PLA2R1: variants seen among roughly 807,000 people sequenced by gnomAD.
PLA2R1 encodes secretory phospholipase A2 receptor.
In PLA2R1, 158 loss-of-function variants were observed where a neutral mutation model predicts 195.9. The observed-to-expected ratio is 0.81, with a 90% CI of 0.71 to 0.92. PLA2R1 has a LOEUF of 0.92. Among genes scored for constraint, PLA2R1 ranks in the 40% least tolerant of loss-of-function variants. PLA2R1 has a pLI of 0.00. For synonymous variants in PLA2R1, 586 were observed against 598.2 expected (o/e 0.98, Z 0.30); for missense variants, 1,626 against 1,764.6 (o/e 0.92, Z 1.41).
chr2:160,028,344 A>C lies in PLA2R1; in HGVS notation c.973T>G (p.Phe325Val). ...AATGTTCCACAGTGATCTTCAACAAATGGCTCAAAATTTACCTCTGAAAAT... is the reference window on the plus strand; with the variant it reads ...AATGTTCCACAGTGATCTTCAACAACTGGCTCAAAATTTACCTCTGAAAAT... Reference protein sequence around the residue: ...NWSPEVNFEPFVEDHCGTFSS... With the variant: ...NWSPEVNFEPVVEDHCGTFSS... Residue 325 changes from phenylalanine (F) to valine (V), a missense_variant, in exon 6 of 30, where the codon TTT becomes GTT. Transcript: ENST00000283243. The C allele has an allele frequency of 6.2e-7, 1 of 1,608,346 alleles. No individual in the cohort carries two copies. Among genetic ancestry groups the C allele is most frequent in the Non-Finnish European group, 8.5e-7 (1 of 1,176,446 alleles).
chr2:159,946,694 C>G, intron 27 of PLA2R1, 107 bp downstream of exon 27: 1 of 1,442,598 alleles, frequency 6.9e-7, no homozygotes, highest in Non-Finnish European at 9.1e-7. Flanking sequence ...GCTATTTTTT[C>G]TCAGAAAACG....
In PLA2R1 at chr2:159,955,307, G is replaced by C; in HGVS notation, c.3193C>G (p.Pro1065Ala). ...TTACTTGAGAGTAAGGCACAGAGAG[G>C]AATGTGTTTCTGAACTTCAGTGGTA... is the stretch of plus-strand genomic sequence containing the variant. ...HNTTEVQKHI[P>A]LCALLSSNPN... is the part of the protein sequence containing the mutation. The change falls in exon 23 of 30, where the codon CCT becomes GCT. Residue 1065 changes from proline to alanine, a missense_variant. By Grantham distance (27) the Pro-to-Ala change is conservative (BLOSUM62 -1). Coordinates refer to ENST00000283243, the MANE Select transcript of PLA2R1 (RefSeq NM_007366.5). 2 of 1,603,040 alleles carry C rather than the reference G, an allele frequency of 1.2e-6. No homozygotes were observed. The highest frequency in any genetic ancestry group is 1.3e-5 in the African/African-American group (1 of 74,730).
In PLA2R1 at chr2:159,942,001, A is replaced by G; in HGVS notation, c.4178-9T>C. On this transcript the variant is annotated splice_polypyrimidine_tract_variant and intron_variant, in intron 29 of 29. Transcript: ENST00000283243. ...GATGCTGTGACTTGGTCCTGAAAGA[A>G]GATATTTTTCTTAAAAAAAGAAAAA... 2 of 1,608,732 alleles carry G rather than the reference A, an allele frequency of 1.2e-6. No individual in the cohort carries two copies. Among genetic ancestry groups the G allele is most frequent in the South Asian group, 2.2e-5 (2 of 90,350 alleles).
At chr2:159,943,195 C>G (rs1687186094) in intron 28 of PLA2R1, among the ~76,000 whole-genome samples, 1 of 152,122 alleles carries the variant, frequency 6.6e-6, no homozygotes, top group African/African-American at 2.4e-5. Flanking sequence ...GTCTCGAACT[C>G]CTGACCTCAA....
chr2:160,057,402 G>A (rs1261186448), intron 1 of PLA2R1, among the ~76,000 whole-genome samples: 1 of 152,152 alleles, frequency 6.6e-6, no homozygotes, highest in Non-Finnish European at 1.5e-5. Context: ...GACCTTCAGT[G>A]GGCCTCTTTC....
chr2:159,952,742 T>C (rs990617584), intron 23 of PLA2R1, among the ~76,000 whole-genome samples: 1 of 152,200 alleles, frequency 6.6e-6, no homozygotes, highest in Non-Finnish European at 1.5e-5. Context: ...CACACTATTG[T>C]ATGGAGACAC....
intron 29 of PLA2R1, 36 bp from the exon 30 acceptor site, chr2:159,942,028 T>G: frequency 6.3e-7 from 1 of 1,580,912 alleles, no homozygotes; most frequent in Non-Finnish European, 8.7e-7. Context: ...AAAGAAAAAC[T>G]TCAGTGGCGA....
Position 160,042,106 on chromosome 2 carries a change from C to G in PLA2R1, c.586G>C (p.Gly196Arg). The G allele has an allele frequency of 8.7e-6, 14 of 1,614,182 alleles. No individual in the cohort carries two copies. The highest frequency in any genetic ancestry group is 1.3e-5 in the African/African-American group (1 of 75,070). The part of the protein sequence containing the change: ...HQWHHECTRE[G>R]REDDLLWCAT... ...CACCACAGTAAGTCATCTTCCCGAC[C>G]TTCACGGGTACATTCATGATGCCAC... The change falls in exon 3 of 30, where the codon GGT becomes CGT. Residue 196 changes from glycine to arginine, a missense_variant. Coordinates refer to ENST00000283243, the MANE Select transcript of PLA2R1 (RefSeq NM_007366.5).
intron 25 of PLA2R1, 143 bp downstream of exon 25, chr2:159,949,465 T>A (rs1480964137): frequency 1.8e-6 from 1 of 562,892 alleles, no homozygotes; most frequent in Non-Finnish European, 3.2e-6. Flanking sequence ...AGTTCTGTTA[T>A]TCTTTACATC....
downstream of PLA2R1, among the ~76,000 whole-genome samples, chr2:159,928,289 C>A (rs897242561): frequency 2.0e-5 from 3 of 152,136 alleles, no homozygotes; most frequent in Non-Finnish European, 4.4e-5. Flanking sequence ...AGGTCTAGAC[C>A]CCCTTTCTGG....
intron 11 of PLA2R1, among the ~76,000 whole-genome samples, chr2:159,987,668 C>CATATTTCAAT (rs1240795161): frequency 6.6e-6 from 1 of 152,140 alleles, no homozygotes; most frequent in African/African-American, 2.4e-5. Flanking sequence ...AAATATCCCC[C>CATATTTCAAT]ATATTTCAAT....
chr2:160,033,929 T>A (rs1475126234), intron 3 of PLA2R1, among the ~76,000 whole-genome samples: 1 of 152,144 alleles, frequency 6.6e-6, no homozygotes, highest in African/African-American at 2.4e-5. Context: ...TACTGCAGCA[T>A]GACTGAAAAT....
At chr2:159,991,710 G>A (rs1458307611) in intron 11 of PLA2R1, among the ~76,000 whole-genome samples, 9 of 143,932 alleles carry the variant, frequency 6.3e-5, no homozygotes, top group Admixed American at 2.1e-4. Context: ...GAGAATATTC[G>A]GTGTTTGGTT....
intron 9 of PLA2R1, among the ~76,000 whole-genome samples, chr2:160,014,705 G>A (rs1373992295): frequency 1.3e-5 from 2 of 152,156 alleles, no homozygotes; most frequent in Non-Finnish European, 2.9e-5. Context: ...GATCAGCTGT[G>A]TTAGTTCAAA....
chr2:160,001,017 C>A (rs1463877021), intron 11 of PLA2R1, among the ~76,000 whole-genome samples: 1 of 151,972 alleles, frequency 6.6e-6, no homozygotes, highest in Non-Finnish European at 1.5e-5. Context: ...TTGTGTAAAA[C>A]CAACCATCTT....
chr2:159,977,458 C>T (rs369229854), intron 14 of PLA2R1, 42 bp from the exon 15 acceptor site: 5 of 1,598,338 alleles, frequency 3.1e-6, no homozygotes, highest in African/African-American at 2.7e-5. Flanking sequence ...GATGATCCCC[C>T]CACAAAGTTT....
chr2:159,963,700 C>T (rs990432796), intron 20 of PLA2R1, among the ~76,000 whole-genome samples: 4 of 152,106 alleles, frequency 2.6e-5, no homozygotes, highest in African/African-American at 7.2e-5. Context: ...TAACACCTAA[C>T]GTGTTCTAGG....
intron 1 of PLA2R1, 142 bp from the exon 2 acceptor site, chr2:160,045,299 C>T (rs1694791374): frequency 1.6e-6 from 1 of 644,808 alleles, no homozygotes; most frequent in Non-Finnish European, 2.7e-6. Context: ...GGGCAGGGTC[C>T]ACCTGAAGGG....
At chr2:159,960,533 T>C (rs891095755) in intron 20 of PLA2R1, among the ~76,000 whole-genome samples, 27 of 152,176 alleles carry the variant, frequency 1.8e-4, no homozygotes, top group Non-Finnish European at 4.4e-5. Context: ...AAATCAAATA[T>C]TGACTAATCC....
Sources: gnomAD v4.1 joint callset for allele counts (sites outside exome capture counted in the v4.1 genomes callset) on GRCh38, gnomAD v4.1.1 for gene constraint, MANE v1.5 for transcripts, NCBI Gene and HGNC (gene_info 2026-07-23, HGNC 2026-07-21) for gene names.